The following GRIP1 variants were observed in gnomAD, a reference collection of about 807,000 sequenced individuals.
GRIP1 encodes the protein glutamate receptor interacting protein 1, also known as glutamate receptor-interacting protein 1.
GRIP1 carries 45 observed loss-of-function variants against 129.9 expected under a neutral mutation model. That is an observed-to-expected ratio of 0.35 (90% CI 0.27 to 0.44). The LOEUF (loss-of-function observed/expected upper bound fraction) is 0.44, where lower values mean the gene tolerates loss of function less well. Ranked by LOEUF, GRIP1 falls within the 20% of genes least tolerant of loss-of-function variation. GRIP1 has a pLI of 1.00. For synonymous variants in GRIP1, 530 were observed against 520.8 expected (o/e 1.02, Z -0.24); for missense variants, 1,196 against 1,396.8 (o/e 0.86, Z 2.29).
At chr12:66,699,261 T>G (rs1033975749) in intron 1 of GRIP1, among the ~76,000 whole-genome samples, 1 of 152,234 alleles carries the variant, frequency 6.6e-6, no homozygotes, top group Non-Finnish European at 1.5e-5. Context: ...CTGGTGGGGC[T>G]TCTGTGGTTC....
chr12:66,623,843 T>C (rs2065375739), intron 1 of GRIP1, among the ~76,000 whole-genome samples: 1 of 152,182 alleles, frequency 6.6e-6, no homozygotes, highest in Non-Finnish European at 1.5e-5. Context: ...AAAATGACCA[T>C]AGGACATTTT....
intron 1 of GRIP1, among the ~76,000 whole-genome samples, chr12:66,871,615 C>T (rs1176975059): frequency 1.3e-5 from 2 of 152,122 alleles, no homozygotes; most frequent in East Asian, 3.9e-4. Flanking sequence ...TCATCTTCAT[C>T]ATTCTCAGTT....
chr12:66,740,525 C>T (rs542276396), intron 1 of GRIP1, among the ~76,000 whole-genome samples: 31 of 152,296 alleles, frequency 2.0e-4, no homozygotes, highest in African/African-American at 6.5e-4. Context: ...TGAGTTCTAA[C>T]GCCAAAAGTG....
intron 1 of GRIP1, among the ~76,000 whole-genome samples, chr12:67,062,402 A>G (rs1338004225): frequency 1.3e-5 from 2 of 152,160 alleles, no homozygotes; most frequent in Non-Finnish European, 2.9e-5. Flanking sequence ...ATGCTTTGGA[A>G]CATACCATGC....
At chr12:66,780,771 C>CA (rs1445973485) in intron 1 of GRIP1, among the ~76,000 whole-genome samples, 7 of 152,142 alleles carry the variant, frequency 4.6e-5, no homozygotes, top group African/African-American at 1.7e-4. Flanking sequence ...ATAAAAATGC[C>CA]ATGCACTGCC....
intron 1 of GRIP1, among the ~76,000 whole-genome samples, chr12:66,968,028 G>C (rs1003323104): frequency 1.3e-5 from 2 of 152,178 alleles, no homozygotes; most frequent in Admixed American, 1.3e-4. Flanking sequence ...ACTAGTGAAA[G>C]AGGGGTGTTG....
At chr12:66,365,787 A>C (rs1209137991) in intron 23 of GRIP1, among the ~76,000 whole-genome samples, 1 of 152,176 alleles carries the variant, frequency 6.6e-6, no homozygotes, top group African/African-American at 2.4e-5. Context: ...GATCTTGTTG[A>C]AGTCTGGGAT....
chr12:66,465,089 C>T (rs186918024), intron 8 of GRIP1, among the ~76,000 whole-genome samples, 186 bp downstream of exon 8: 11 of 151,934 alleles, frequency 7.2e-5, no homozygotes, highest in African/African-American at 2.7e-4. Flanking sequence ...GGATTACAGG[C>T]ACCTGCCACC....
intron 1 of GRIP1, among the ~76,000 whole-genome samples, chr12:66,892,777 C>CCTA (rs1566067534): frequency 6.6e-6 from 1 of 151,460 alleles, no homozygotes; most frequent in East Asian, 1.9e-4. Context: ...GCCTAGGCAA[C>CCTA]ATGAGACCCC....
chr12:66,478,914 A>C (rs987336166), intron 7 of GRIP1, among the ~76,000 whole-genome samples: 5 of 152,122 alleles, frequency 3.3e-5, no homozygotes, highest in Non-Finnish European at 7.4e-5. Flanking sequence ...AGCATTAGGA[A>C]ATATACCTAG....
At chr12:66,831,212 A>G (rs1178614852) in intron 1 of GRIP1, among the ~76,000 whole-genome samples, 3 of 152,152 alleles carry the variant, frequency 2.0e-5, no homozygotes, top group Admixed American at 1.3e-4. Flanking sequence ...TTTCATTGCC[A>G]CCAGCTACAC....
intron 2 of GRIP1, among the ~76,000 whole-genome samples, chr12:66,574,789 T>TTTTTTTTTTTTTTTTTTC (rs1565876079): frequency 1.1e-4 from 15 of 141,198 alleles, no homozygotes; most frequent in East Asian, 6.1e-4. Flanking sequence ...CCACTTTTCT[T>TTTTTTTTTTTTTTTTTTC]TTTTTTTTTT....
At position 66,406,329 on chromosome 12, in the gene GRIP1, A is replaced by G. The variant is rs755895297; in HGVS notation, c.1938T>C (p.Cys646=). The G allele has an allele frequency of 1.9e-6, 3 of 1,613,948 alleles. No individual in the cohort carries two copies. The African/African-American group carries it at 4.0e-5, about 22-fold the overall frequency. ...MEDAVQILQQ[C]EDLVKLKIRK... Reference sequence around the variant, plus strand: ...GGATTTTGAGCTTCACCAGGTCTTCACATTGCTGGAGGATCTGAACTGCAT... The same window carrying G: ...GGATTTTGAGCTTCACCAGGTCTTCGCATTGCTGGAGGATCTGAACTGCAT... Residue 646 remains cysteine (C), a synonymous_variant, in exon 16 of 25, where the codon TGT becomes TGC. Coordinates refer to ENST00000359742, the MANE Select transcript of GRIP1 (RefSeq NM_001366722.1).
intron 2 of GRIP1, 56 bp from the exon 3 acceptor site, chr12:66,542,006 T>C: frequency 6.7e-7 from 1 of 1,502,772 alleles, no homozygotes. Context: ...ACCAATGTCA[T>C]TTCTCCTCCC....
At chr12:66,376,584 T>C (rs2055793977) in intron 22 of GRIP1, among the ~76,000 whole-genome samples, 1 of 152,224 alleles carries the variant, frequency 6.6e-6, no homozygotes, top group South Asian at 2.1e-4. Context: ...GATTTACAAT[T>C]AACAGCAATG....
intron 1 of GRIP1, among the ~76,000 whole-genome samples, chr12:66,833,993 C>A (rs1056950585): frequency 3.3e-5 from 5 of 151,780 alleles, no homozygotes; most frequent in African/African-American, 1.2e-4. Flanking sequence ...AACCATGAAA[C>A]CATGAAACCC....
chr12:66,736,346 A>ATTTTT (rs547706592), intron 1 of GRIP1, among the ~76,000 whole-genome samples: 7 of 67,020 alleles, frequency 1.0e-4, no homozygotes, highest in Admixed American at 1.9e-4. Flanking sequence ...TGCCTGGCTA[A>ATTTTT]TTTTTTTTTT....
At chr12:66,507,234 G>C (rs187872137) in intron 7 of GRIP1, among the ~76,000 whole-genome samples, 2,831 of 152,090 alleles carry the variant, frequency 0.019, 83 homozygotes, top group African/African-American at 0.065. Context: ...GTCAGGAGAT[G>C]GAGACCATCC....
intron 1 of GRIP1, among the ~76,000 whole-genome samples, chr12:66,757,734 T>C (rs2037341354): frequency 6.6e-6 from 1 of 152,228 alleles, no homozygotes; most frequent in Non-Finnish European, 1.5e-5. Flanking sequence ...GGTTCCCTTT[T>C]CTCTACATCC....
Sources: gnomAD v4.1 joint callset for allele counts (sites outside exome capture counted in the v4.1 genomes callset) on GRCh38, gnomAD v4.1.1 for gene constraint, MANE v1.5 for transcripts, NCBI Gene and HGNC (gene_info 2026-07-23, HGNC 2026-07-21) for gene names.